AKAP19: variants seen among roughly 807,000 people sequenced by gnomAD.
The protein encoded by AKAP19 is A-kinase anchoring protein 19.
At chr2:189,974,273 A>G in the AKAP19 span, among the ~76,000 whole-genome samples, 1 of 152,162 alleles carries the variant, frequency 6.6e-6, no homozygotes, top group African/African-American at 2.4e-5. Context: ...TTCAGTTTCC[A>G]TGTAGTTGAA....
At chr2:190,071,637 A>G in the AKAP19 span, among the ~76,000 whole-genome samples, 1 of 152,192 alleles carries the variant, frequency 6.6e-6, no homozygotes, top group Non-Finnish European at 1.5e-5. Context: ...AATATTAAAT[A>G]TGAAAATGTG....
chr2:190,167,277 T>G, the AKAP19 span, among the ~76,000 whole-genome samples: 1 of 152,118 alleles, frequency 6.6e-6, no homozygotes, highest in East Asian at 1.9e-4. Flanking sequence ...TCAGATCTCA[T>G]GAGACTTACC....
the AKAP19 span, among the ~76,000 whole-genome samples, chr2:190,085,337 T>C: frequency 6.6e-6 from 1 of 152,228 alleles, no homozygotes; most frequent in African/African-American, 2.4e-5. Context: ...AGTAACATTT[T>C]GGGTTCAATA....
chr2:189,907,796 A>T, the AKAP19 span, among the ~76,000 whole-genome samples: 1 of 152,036 alleles, frequency 6.6e-6, no homozygotes, highest in African/African-American at 2.4e-5. Flanking sequence ...AATACATTAC[A>T]GTTATTCTCT....
the AKAP19 span, among the ~76,000 whole-genome samples, chr2:189,909,840 G>T: frequency 4.6e-5 from 7 of 151,916 alleles, no homozygotes; most frequent in African/African-American, 1.7e-4. Context: ...TTTATTAATG[G>T]TCATTTGTAT....
chr2:190,060,528 A>G, the AKAP19 span: 1 of 1,086,156 alleles, frequency 9.2e-7, no homozygotes. Context: ...TTAAATTAAG[A>G]TAATGTATGC....
the AKAP19 span, among the ~76,000 whole-genome samples, chr2:190,038,896 C>A: frequency 2.8e-5 from 1 of 35,138 alleles, no homozygotes; most frequent in East Asian, 1.5e-3. Context: ...TTCTTTCTTT[C>A]TTTCTTTCTT....
chr2:190,115,276 TATATATATATATATATATATATA>T, the AKAP19 span, among the ~76,000 whole-genome samples: 2 of 4,292 alleles, frequency 4.7e-4, no homozygotes, highest in Non-Finnish European at 1.1e-3. Context: ...TATATATATA[TATATATATATATATATATATATA>T]TATTTTTTTT....
chr2:189,932,900 GA>G, the AKAP19 span, among the ~76,000 whole-genome samples: 8 of 151,990 alleles, frequency 5.3e-5, no homozygotes, highest in Non-Finnish European at 1.0e-4. Context: ...TCTATCAACT[GA>G]GTATCTTAAA....
the AKAP19 span, among the ~76,000 whole-genome samples, chr2:189,931,412 A>G: frequency 1.3e-5 from 2 of 152,160 alleles, no homozygotes; most frequent in Admixed American, 1.3e-4. Context: ...CCCATGCTGG[A>G]GTGCAGTGGT....
chr2:190,033,247 A>G, the AKAP19 span, among the ~76,000 whole-genome samples: 1 of 152,202 alleles, frequency 6.6e-6, no homozygotes, highest in Non-Finnish European at 1.5e-5. Flanking sequence ...GTGTCTCTCC[A>G]GCAAGAACAT....
chr2:190,062,751 CT>C, the AKAP19 span: 1 of 669,508 alleles, frequency 1.5e-6, no homozygotes, highest in Non-Finnish European at 2.5e-6. Flanking sequence ...TTCCAAGTGG[CT>C]TTTTATATTC....
the AKAP19 span, among the ~76,000 whole-genome samples, chr2:190,026,347 T>C: frequency 4.6e-5 from 7 of 152,194 alleles, no homozygotes; most frequent in Admixed American, 2.6e-4. Context: ...CCTACTCCAC[T>C]TGACTATGAA....
chr2:190,070,016 TACTTCTTTA>T, the AKAP19 span, among the ~76,000 whole-genome samples: 1 of 152,260 alleles, frequency 6.6e-6, no homozygotes, highest in Non-Finnish European at 1.5e-5. Flanking sequence ...AAGCACCAAG[TACTTCTTTA>T]ACTTCTTTAT....
At chr2:190,052,335 G>C in the AKAP19 span, among the ~76,000 whole-genome samples, 2 of 152,092 alleles carry the variant, frequency 1.3e-5, no homozygotes, top group Admixed American at 1.3e-4. Flanking sequence ...CCACTCAATT[G>C]TTTCCATGTA....
chr2:190,100,881 G>A, the AKAP19 span, among the ~76,000 whole-genome samples: 5 of 152,186 alleles, frequency 3.3e-5, no homozygotes, highest in African/African-American at 1.2e-4. Flanking sequence ...GCTGATAAAA[G>A]TGAGTGAAGC....
the AKAP19 span, among the ~76,000 whole-genome samples, chr2:190,054,088 GA>G: frequency 2.9e-4 from 44 of 151,900 alleles, no homozygotes; most frequent in South Asian, 6.3e-4. Context: ...TAAGTGGTAA[GA>G]AAAAAATGTA....
the AKAP19 span, among the ~76,000 whole-genome samples, chr2:190,193,654 T>C: frequency 6.6e-6 from 1 of 152,156 alleles, no homozygotes; most frequent in African/African-American, 2.4e-5. Context: ...TATTCCTGTT[T>C]GCCTTTTAAA....
chr2:189,887,030 G>T, the AKAP19 span, among the ~76,000 whole-genome samples: 4 of 152,042 alleles, frequency 2.6e-5, no homozygotes, highest in Non-Finnish European at 4.4e-5. Context: ...TGGGATACAT[G>T]TGCAGAACAT....
Sources: allele counts gnomAD v4.1 joint callset (sites outside exome capture counted in the v4.1 genomes callset), GRCh38; gene constraint gnomAD v4.1.1; transcripts MANE v1.5; gene names NCBI Gene and HGNC (gene_info 2026-07-23, HGNC 2026-07-21).